CUL7: variants seen among roughly 807,000 people sequenced by gnomAD.
CUL7 encodes cullin-7.
CUL7 carries 96 observed loss-of-function variants against 177.7 expected under a neutral mutation model. That is an observed-to-expected ratio of 0.54 (90% CI 0.46 to 0.64). CUL7 has a LOEUF of 0.64. Ranked by LOEUF, CUL7 falls within the 30% of genes least tolerant of loss-of-function variation. The probability of loss-of-function intolerance (pLI) is 0.00; values close to 1 mark genes in which losing one functional copy is unlikely to be tolerated. For missense variants in CUL7, 1,893 were observed against 2,187.9 expected (o/e 0.87, Z 2.69); for synonymous variants, 824 against 890.2 (o/e 0.93, Z 1.32).
At chr6:43,046,183 G>T (rs1224685757) in intron 12 of CUL7, 53 bp downstream of exon 12, 12 of 1,613,658 alleles carry the variant, frequency 7.4e-6, no homozygotes, top group Non-Finnish European at 9.3e-6. Context: ...CAAACACAGG[G>T]GCGTCACAGG....
At chr6:43,049,296 T>C in intron 7 of CUL7, 111 bp downstream of exon 7, 1 of 1,425,510 alleles carries the variant, frequency 7.0e-7, no homozygotes, top group Admixed American at 1.7e-5. Flanking sequence ...AAGTTGCAGC[T>C]TCTAAGGTGG....
chr6:43,053,753 CGT>C lies in CUL7; in HGVS notation c.-142_-141del, dbSNP rs1764673901. The C allele has an allele frequency of 6.7e-7, 1 of 1,498,352 alleles. No homozygotes were observed. The highest frequency in any genetic ancestry group is 1.4e-5 in the African/African-American group (1 of 70,624). The allele number at this position is 1,498,352 out of a possible 1,614,324, so 92.8% of individuals were successfully genotyped here. Reference sequence around the variant, plus strand: ...GTCGAGACGGAGAGACGGGAGGGGGCGTGCCTCCGCGGAACAGAGCTGCACCC... The same window carrying C: ...GTCGAGACGGAGAGACGGGAGGGGGCGCCTCCGCGGAACAGAGCTGCACCC... On this transcript the variant is annotated 5_prime_UTR_variant, in exon 1 of 26. Coordinates refer to ENST00000265348, the MANE Select transcript of CUL7 (RefSeq NM_014780.5). This position sits in a 1 kb window ranked among gnomAD's most constrained non-coding sequence, Gnocchi z 4.1.
chr6:43,046,170 A>G (rs1466569025), intron 12 of CUL7, 66 bp downstream of exon 12: 2 of 1,613,350 alleles, frequency 1.2e-6, no homozygotes, highest in African/African-American at 1.3e-5. Context: ...GCTTCCCCCA[A>G]AACAAACACA....
rs1209334551 is a variant in CUL7, at chr6:43,052,353, C to T, written c.436G>A (p.Ala146Thr). Residue 146 changes from alanine to threonine, a missense_variant, in exon 2 of 26, where the codon GCC becomes ACC. This residue lies in a region of CUL7 where 653 missense variants were observed against 725.2 expected (regional missense o/e 0.90). Coordinates refer to ENST00000265348, the MANE Select transcript of CUL7 (RefSeq NM_014780.5). The surrounding 1 kb of genome is among the most constrained non-coding windows in gnomAD (Gnocchi z 4.5). ...PLLHTVHVLS[A>T]YASIEPLTGV... ...GTGAGGGGCTCAATGCTGGCATAGG[C>T]GCTGAGCACGTGGACAGTGTGAAGT... The T allele has an allele frequency of 4.3e-6, 7 of 1,614,114 alleles. No individual in the cohort carries two copies. The highest frequency in any genetic ancestry group is 1.7e-5 in the Admixed American group (1 of 60,008).
Position 43,040,570 on chromosome 6 carries a change from TG to T in CUL7, c.3982del (p.Gln1328ArgfsTer4). On this transcript the variant is annotated frameshift_variant, in exon 21 of 26. Transcript: ENST00000265348. LOFTEE classifies it high-confidence loss of function. This position sits in a 1 kb window ranked among gnomAD's most constrained non-coding sequence, Gnocchi z 4.2. ...TGTATCCTCCAGCTTCAGGAGTTCC[TG>T]ATCCAGCTGCTGGAGCTGGTAGACG... ...FHVYQLQQLDQELLKLEDTEK... is the reference protein window; with the variant it reads ...FHVYQLQQLDXELLKLEDTEK... 6.2e-7 allele frequency: 1 copy of T among 1,614,218 alleles called. No homozygotes were observed. Among genetic ancestry groups the T allele is most frequent in the Non-Finnish European group, 8.5e-7 (1 of 1,180,026 alleles).
intron 25 of CUL7, 57 bp from the exon 26 acceptor site, chr6:43,038,068 C>A: frequency 6.5e-7 from 1 of 1,544,660 alleles, no homozygotes; most frequent in Non-Finnish European, 8.7e-7. Context: ...CCCCTCCTTG[C>A]TTGAGCTTCC....
chr6:43,052,863 C>T lies in CUL7; in HGVS notation c.-8-67G>A. The T allele has an allele frequency of 6.6e-7, 1 of 1,517,212 alleles. No individual in the cohort carries two copies. The highest frequency in any genetic ancestry group is 8.9e-7 in the Non-Finnish European group (1 of 1,124,836). 94.0% of individuals were successfully genotyped at this position (1,517,212 alleles called of 1,614,324 possible). On this transcript the variant is annotated intron_variant, in intron 1 of 25. Coordinates refer to ENST00000265348, the MANE Select transcript of CUL7 (RefSeq NM_014780.5). The surrounding 1 kb of genome is among the most constrained non-coding windows in gnomAD (Gnocchi z 4.5). ...GGAGAGGTCAGAAAATCAAAGATAT[C>T]CAGGAGGTGGGGAAGCAAATGGCAA... is the stretch of plus-strand genomic sequence containing the variant.
Position 43,045,200 on chromosome 6 carries a change from C to A in CUL7, c.3038+27G>T. 6.2e-7 allele frequency: 1 copy of A among 1,608,478 alleles called. No homozygotes were observed. Among genetic ancestry groups the A allele is most frequent in the Non-Finnish European group, 8.5e-7 (1 of 1,177,280 alleles). On this transcript the variant is annotated intron_variant, in intron 15 of 25. Coordinates refer to ENST00000265348, the MANE Select transcript of CUL7 (RefSeq NM_014780.5). The surrounding 1 kb of genome is among the most constrained non-coding windows in gnomAD (Gnocchi z 4.8). ...AATAGCCTTACCTTTCCCACAGACA[C>A]AAGCATACACGCACACTCTCACACA...
chr6:43,049,646 A>G lies in CUL7; in HGVS notation c.1586T>C (p.Ile529Thr). 1 of 1,614,036 alleles carries G rather than the reference A, an allele frequency of 6.2e-7. No homozygotes were observed. The highest frequency in any genetic ancestry group is 1.1e-5 in the South Asian group (1 of 91,072). The part of the protein sequence containing the change: ...NLDGEILDDE[I>T]LAELAVPIEL... ...TATGGGCACGGCCAGTTCAGCTAGG[A>G]TCTCATCATCCAGAATCTGCCATCA... The change falls in exon 7 of 26, where the codon ATC becomes ACC. Residue 529 changes from isoleucine (I) to threonine (T), a missense_variant. Ile to Thr is a moderately conservative substitution (Grantham distance 89, BLOSUM62 -1). Transcript: ENST00000265348.
rs143969180 is a variant in CUL7 at position 43,047,148 on chromosome 6, C to T, written c.2170-41G>A. On this transcript the variant is annotated intron_variant, in intron 9 of 25. Transcript: ENST00000265348. ...AGGGAGGAGATGAATGAAGACAGGGCGAGGGCCACAAGGGCACCTGCAGTA... is the reference window on the plus strand; with the variant it reads ...AGGGAGGAGATGAATGAAGACAGGGTGAGGGCCACAAGGGCACCTGCAGTA... 5.4e-5 allele frequency: 66 copies of T among 1,222,608 alleles called. No individual in the cohort carries two copies. The African/African-American group carries it at 5.9e-4, about 11-fold the overall frequency. The allele number at this position is 1,222,608 out of a possible 1,614,324, so 75.7% of individuals were successfully genotyped here.
rs768332117 is a variant in CUL7, at chr6:43,051,743, G to A, written c.601C>T (p.Leu201=). Residue 201 remains leucine (L), a synonymous_variant, in exon 3 of 26, where the codon CTG becomes TTG. Coordinates refer to ENST00000265348, the MANE Select transcript of CUL7 (RefSeq NM_014780.5). This position sits in a 1 kb window ranked among gnomAD's most constrained non-coding sequence, Gnocchi z 5.0. The part of the protein sequence containing the change: ...HDAGTRTQIL[L]SLSQQEAIEK... ...ATGGCTTCTTGTTGGCTCAGTGACA[G>A]AAGGATCTGAGTCCGGGTCCCTGTA... The A allele has an allele frequency of 6.2e-7, 1 of 1,614,144 alleles. No individual in the cohort carries two copies. The highest frequency in any genetic ancestry group is 1.1e-5 in the South Asian group (1 of 91,070).
chr6:43,047,512 T>G (rs1167537568), intron 9 of CUL7, among the ~76,000 whole-genome samples: 1 of 152,174 alleles, frequency 6.6e-6, no homozygotes, highest in Non-Finnish European at 1.5e-5. Context: ...GTGTGTGTAT[T>G]ATACCCAATG....
chr6:43,040,494 AC>A lies in CUL7; in HGVS notation c.4023+35del, dbSNP rs750439460. ...TCTGCTCCACGCCCCTCTTCCCCCT[AC>A]CCTCTTATTTGCTTATCCCTTCCAA... is the stretch of plus-strand genomic sequence containing the variant. On this transcript the variant is annotated intron_variant, in intron 21 of 25. Transcript: ENST00000265348. The surrounding 1 kb of genome is among the most constrained non-coding windows in gnomAD (Gnocchi z 4.2). The A allele has an allele frequency of 7.4e-6, 12 of 1,612,314 alleles. No individual in the cohort carries two copies. Among genetic ancestry groups the A allele is most frequent in the Non-Finnish European group, 9.3e-6 (11 of 1,179,776 alleles).
At chr6:43,046,744 G>A in intron 10 of CUL7, 136 bp downstream of exon 10, 1 of 1,367,710 alleles carries the variant, frequency 7.3e-7, no homozygotes, top group South Asian at 1.2e-5. Context: ...GGGGCAGAGG[G>A]GAAGGGGAAC....
intron 25 of CUL7, 26 bp from the exon 26 acceptor site, chr6:43,038,037 C>T (rs576768946): frequency 8.2e-5 from 130 of 1,577,812 alleles, no homozygotes; most frequent in Non-Finnish European, 1.1e-4. Flanking sequence ...AAGGGAGAAG[C>T]GGTAGTTTAG....
intron 12 of CUL7, 45 bp downstream of exon 12, chr6:43,046,191 A>C (rs568675849): frequency 1.2e-6 from 2 of 1,613,950 alleles, no homozygotes; most frequent in Non-Finnish European, 1.7e-6. Context: ...GGGGCGTCAC[A>C]GGAAAGCACA....
Position 43,052,089 on chromosome 6 carries a change from AG to A in CUL7, c.580+119del. 1 of 1,527,064 alleles carries A rather than the reference AG, an allele frequency of 6.5e-7. No homozygotes were observed. The highest frequency in any genetic ancestry group is 8.8e-7 in the Non-Finnish European group (1 of 1,133,118). The allele number at this position is 1,527,064 out of a possible 1,614,324, so 94.6% of individuals were successfully genotyped here. On this transcript the variant is annotated intron_variant, in intron 2 of 25. Transcript: ENST00000265348. The surrounding 1 kb of genome is among the most constrained non-coding windows in gnomAD (Gnocchi z 4.5). ...CTCCTTTTCTTCCAACTCTAAGAGA[AG>A]GGCAACAGAATCATTTACGTACTGA...
chr6:43,038,309 G>A lies in CUL7; in HGVS notation c.4731C>T (p.Ala1577=), dbSNP rs141716467. 6.8e-5 allele frequency: 110 copies of A among 1,614,094 alleles called. 1 individual carries two copies. In the African/African-American group the frequency reaches 1.3e-3, roughly 20 times the overall value. ...CAATGTGCAGCCCCTCATCTCCATG[G>A]GCCTTGAGGATTCGGACGATGAGGC... is the stretch of plus-strand genomic sequence containing the variant. ...LNCLIVRILK[A]HGDEGLHIDQ... is the part of the protein sequence containing the mutation. Residue 1577 remains alanine, a synonymous_variant, in exon 25 of 26, where the codon GCC becomes GCT. Coordinates refer to ENST00000265348, the MANE Select transcript of CUL7 (RefSeq NM_014780.5).
chr6:43,045,973 C>T lies in CUL7; in HGVS notation c.2766+13G>A. Reference sequence around the variant, plus strand: ...GAGGGGTGGAGTAATGGCTAATGGCCCTGGGGTCCTACCGAGTTGAGTTCC... The same window carrying T: ...GAGGGGTGGAGTAATGGCTAATGGCTCTGGGGTCCTACCGAGTTGAGTTCC... On this transcript the variant is annotated intron_variant, in intron 13 of 25. Transcript: ENST00000265348. The surrounding 1 kb of genome is among the most constrained non-coding windows in gnomAD (Gnocchi z 4.8). 6.2e-7 allele frequency: 1 copy of T among 1,603,140 alleles called. No individual in the cohort carries two copies. Among genetic ancestry groups the T allele is most frequent in the Non-Finnish European group, 8.5e-7 (1 of 1,170,156 alleles).
Sources: gnomAD v4.1 joint callset for allele counts (sites outside exome capture counted in the v4.1 genomes callset) on GRCh38, gnomAD v4.1.1 for gene constraint, gnomAD v4.1.1 regional missense constraint, Gnocchi (gnomAD v3.1) non-coding constraint, MANE v1.5 for transcripts, NCBI Gene and HGNC (gene_info 2026-07-23, HGNC 2026-07-21) for gene names.